The following ARPP21 variants were observed in gnomAD, a reference collection of about 807,000 sequenced individuals.
The protein encoded by ARPP21 is cAMP regulated phosphoprotein 21.
In ARPP21, 69 loss-of-function variants were observed where a neutral mutation model predicts 113.2. That is an observed-to-expected ratio of 0.61 (90% CI 0.50 to 0.74). ARPP21 has a LOEUF of 0.74. Among genes scored for constraint, ARPP21 ranks in the 30% least tolerant of loss-of-function variants. ARPP21 has a pLI of 0.00. For missense variants in ARPP21, 1,070 were observed against 1,037.4 expected, an observed-to-expected ratio of 1.03 and a Z score of -0.43; for synonymous variants, 368 against 375.5, an observed-to-expected ratio of 0.98 and a Z score of 0.23.
Position 35,792,385 on chromosome 3 carries a change from A to G in ARPP21, c.2141A>G (p.Tyr714Cys), listed in dbSNP as rs771989169. The change falls in exon 20 of 21, where the codon TAC (tyrosine) becomes TGC (cysteine). Residue 714 changes from tyrosine to cysteine, a missense_variant. Physicochemically the swap from Tyr to Cys is radical, Grantham distance 194. Transcript: ENST00000684406. ...AAAAGATCTCTTTTCTTCGCAGGTT[A>G]CCAGCCAGTCTTGTCTGGTCAACAG... Reference protein sequence around the residue: ...QMPQAAQQAGYQPVLSGQQGF... With the variant: ...QMPQAAQQAGCQPVLSGQQGF... The G allele has an allele frequency of 6.2e-7, 1 of 1,613,792 alleles. No homozygotes were observed. The highest frequency in any genetic ancestry group is 8.5e-7 in the Non-Finnish European group (1 of 1,179,780).
chr3:35,715,247 T>C, intron 11 of ARPP21, 192 bp from the exon 12 acceptor site: 1 of 553,810 alleles, frequency 1.8e-6, no homozygotes, highest in Non-Finnish European at 3.2e-6. Context: ...AAAAATACCC[T>C]ATGCTGCATG....
In ARPP21 at chr3:35,681,862, G is replaced by A. The variant is rs540128190; in HGVS notation, c.111G>A (p.Glu37=). The change falls in exon 3 of 21, where the codon GAG becomes GAA. Residue 37 remains glutamate (E), a synonymous_variant. Transcript: ENST00000684406. ...TTAAATCAGAAAGTCTGGATGAAGA[G>A]GAGAAACTGGAACTGCAGGTGAGTG... is the stretch of plus-strand genomic sequence containing the variant. ...GIVKSESLDE[E]EKLELQRRLE... 5.8e-5 allele frequency: 93 copies of A among 1,611,958 alleles called. No homozygotes were observed. The South Asian group carries it at 8.7e-4, about 15-fold the overall frequency.
intron 9 of ARPP21, 26 bp from the exon 10 acceptor site, chr3:35,706,948 A>G: frequency 3.2e-6 from 5 of 1,566,052 alleles, no homozygotes; most frequent in Non-Finnish European, 4.3e-6. Context: ...AAACTTTTTT[A>G]TTGATATGTT....
chr3:35,641,947 T>G (rs1698227261), intron 1 of ARPP21, among the ~76,000 whole-genome samples: 1 of 152,186 alleles, frequency 6.6e-6, no homozygotes, highest in African/African-American at 2.4e-5. Flanking sequence ...TGTTTTAGAT[T>G]TATCCTCTCC....
intron 19 of ARPP21, among the ~76,000 whole-genome samples, chr3:35,787,375 A>G (rs2096654512): frequency 6.6e-6 from 1 of 152,208 alleles, no homozygotes; most frequent in South Asian, 2.1e-4. Flanking sequence ...TTATTTCGAG[A>G]AAACAAACCA....
upstream of ARPP21, chr3:35,638,856 C>G (rs1243207624): frequency 6.6e-6 from 1 of 152,318 alleles, no homozygotes; most frequent in Non-Finnish European, 1.5e-5. Context: ...GACTTTCAGT[C>G]TTGCTCAAAG....
At position 35,768,663 on chromosome 3, in the gene ARPP21, T is replaced by A. The variant is rs538078369; in HGVS notation, c.2138-23719T>A. ...TTTTACTAAAAATCCCATTTTAGCA[T>A]GTTGAGTTTTACATTTTTAAGGCTT... On this transcript the variant is annotated intron_variant, in intron 19 of 20. Transcript: ENST00000684406. Among the ~76,000 whole-genome samples the A allele has an allele frequency of 7.8e-4, 119 of 152,288 alleles. 1 individual carries two copies. The highest frequency in any genetic ancestry group is 2.3e-3 in the South Asian group (11 of 4,830).
chr3:35,738,184 G>C, intron 16 of ARPP21, 30 bp from the exon 17 acceptor site: 1 of 1,411,748 alleles, frequency 7.1e-7, no homozygotes, highest in Non-Finnish European at 9.7e-7. Flanking sequence ...GTGCTTTTCT[G>C]TCAGCTGATC....
chr3:35,668,771 T>C (rs1433892092), intron 1 of ARPP21, among the ~76,000 whole-genome samples: 1 of 152,156 alleles, frequency 6.6e-6, no homozygotes, highest in Admixed American at 6.5e-5. Flanking sequence ...GAGATTCAAG[T>C]TACTTCTCTC....
chr3:35,779,464 C>T (rs193043953), intron 19 of ARPP21, among the ~76,000 whole-genome samples: 2 of 152,118 alleles, frequency 1.3e-5, no homozygotes, highest in East Asian at 3.9e-4. Flanking sequence ...GTGTGTGATC[C>T]TGAACAAGAA....
intron 14 of ARPP21, among the ~76,000 whole-genome samples, chr3:35,727,631 AT>A (rs1328618397): frequency 6.6e-6 from 1 of 152,200 alleles, no homozygotes; most frequent in African/African-American, 2.4e-5. Flanking sequence ...ATAAGAATGC[AT>A]TTTTAATAAC....
intron 19 of ARPP21, among the ~76,000 whole-genome samples, chr3:35,780,176 T>C (rs2096488713): frequency 1.3e-5 from 2 of 152,212 alleles, no homozygotes; most frequent in South Asian, 2.1e-4. Flanking sequence ...AAGATACTTA[T>C]GGAGTGGCTG....
Position 35,792,531 on chromosome 3 carries a change from G to T in ARPP21, c.2286+1G>T. 2 of 1,613,982 alleles carry T rather than the reference G, an allele frequency of 1.2e-6. No individual in the cohort carries two copies. Among genetic ancestry groups the T allele is most frequent in the Non-Finnish European group, 1.7e-6 (2 of 1,179,876 alleles). Reference sequence around the variant, plus strand: ...CTACCCAACAATGTCTTCTTATCAGGTGCTCATAAGCAGCTTGGAAAATTG... The same window carrying T: ...CTACCCAACAATGTCTTCTTATCAGTTGCTCATAAGCAGCTTGGAAAATTG... On this transcript the variant is annotated splice_donor_variant, in intron 20 of 20. Transcript: ENST00000684406. LOFTEE classifies it high-confidence loss of function.
At chr3:35,690,768 G>C in intron 8 of ARPP21, 97 bp from the exon 9 acceptor site, 1 of 1,159,396 alleles carries the variant, frequency 8.6e-7, no homozygotes, top group East Asian at 2.7e-5. Context: ...TAGTGGTTTA[G>C]ATGAAGAAGA....
intron 19 of ARPP21, among the ~76,000 whole-genome samples, chr3:35,750,560 C>CTA (rs2095365399): frequency 6.6e-6 from 1 of 152,046 alleles, no homozygotes; most frequent in Non-Finnish European, 1.5e-5. Context: ...GTGGGATGGT[C>CTA]TATATATATC....
At chr3:35,728,566 T>C (rs551354657) in intron 14 of ARPP21, among the ~76,000 whole-genome samples, 3 of 151,868 alleles carry the variant, frequency 2.0e-5, no homozygotes, top group African/African-American at 7.2e-5. Flanking sequence ...AGTTTCAACT[T>C]TACACACAAA....
Position 35,701,933 on chromosome 3 carries a change from AT to A in ARPP21, c.687-5040del, listed in dbSNP as rs554417880. ...GTAATAATACATGCTATGAAAGAGC[AT>A]GTTCTAAATATTCAAAATATGTGAA... On this transcript the variant is annotated intron_variant, in intron 9 of 20. Coordinates refer to ENST00000684406, the MANE Select transcript of ARPP21 (RefSeq NM_001385562.1). Among the ~76,000 whole-genome samples, 35 of 151,880 alleles carry A rather than the reference AT, an allele frequency of 2.3e-4. No individual in the cohort carries two copies. In the East Asian group the frequency reaches 6.8e-3, roughly 29 times the overall value.
At chr3:35,762,214 T>C (rs1467942502) in intron 19 of ARPP21, among the ~76,000 whole-genome samples, 1 of 151,778 alleles carries the variant, frequency 6.6e-6, no homozygotes, top group Non-Finnish European at 1.5e-5. Context: ...CAAGAGTCAA[T>C]TGTTATTCTT....
intron 1 of ARPP21, among the ~76,000 whole-genome samples, chr3:35,663,981 G>A (rs1056977613): frequency 6.6e-6 from 1 of 152,178 alleles, no homozygotes; most frequent in Admixed American, 6.5e-5. Context: ...TGTTGCAAAT[G>A]AAAGTGAACT....
Sources: gnomAD v4.1 joint callset for allele counts (sites outside exome capture counted in the v4.1 genomes callset) on GRCh38, gnomAD v4.1.1 for gene constraint, MANE v1.5 for transcripts, NCBI Gene and HGNC (gene_info 2026-07-23, HGNC 2026-07-21) for gene names.